Variants in TOGARAM2 observed in about 807,000 individuals in gnomAD.
TOGARAM2 encodes the protein TOG array regulator of axonemal microtubules protein 2.
A neutral mutation model predicts 93.3 loss-of-function variants in TOGARAM2; 85 were observed. That is an observed-to-expected ratio of 0.91 (90% CI 0.76 to 1.09). The LOEUF (loss-of-function observed/expected upper bound fraction) is 1.09. TOGARAM2 is among the 50% of genes least tolerant of loss of function. The pLI, the probability that TOGARAM2 is intolerant of heterozygous loss-of-function variation, is 0.00. For synonymous variants in TOGARAM2, 593 were observed against 552.8 expected (o/e 1.07, Z -1.02); for missense variants, 1,277 against 1,334.5 (o/e 0.96, Z 0.67).
chr2:29,026,613 G>A lies in TOGARAM2; in HGVS notation c.1854-240G>A, dbSNP rs77450844. ...AGAACGGTATGCATACGGTGTATTG[G>A]GGAACCTCGTGTAGCTTCATGTCAC... On this transcript the variant is annotated intron_variant, in intron 13 of 19. Coordinates refer to ENST00000379558, the MANE Select transcript of TOGARAM2 (RefSeq NM_199280.4). 1.3e-3 allele frequency among the ~76,000 whole-genome samples: 201 copies of A among 152,312 alleles called. 1 individual carries two copies. Among genetic ancestry groups the A allele is most frequent in the African/African-American group, 4.5e-3 (185 of 41,568 alleles).
chr2:29,012,979 A>G (rs993003933), intron 7 of TOGARAM2, among the ~76,000 whole-genome samples: 1 of 152,206 alleles, frequency 6.6e-6, no homozygotes, highest in African/African-American at 2.4e-5. Flanking sequence ...TGCAGAAGAC[A>G]TGGCCTGGGC....
intron 18 of TOGARAM2, among the ~76,000 whole-genome samples, chr2:29,037,661 A>G (rs1333354188): frequency 6.6e-6 from 1 of 151,714 alleles, no homozygotes; most frequent in Non-Finnish European, 1.5e-5. Context: ...TGGAGGCTCC[A>G]GGAAAAGTTT....
chr2:28,999,265 T>G lies in TOGARAM2; in HGVS notation c.224T>G (p.Leu75Arg), dbSNP rs771334348. The G allele has an allele frequency of 6.2e-7, 1 of 1,613,864 alleles. No individual in the cohort carries two copies. Among genetic ancestry groups the G allele is most frequent in the East Asian group, 2.2e-5 (1 of 44,870 alleles). The change falls in exon 4 of 20, where the codon CTC (leucine) becomes CGC (arginine). Residue 75 changes from leucine (L) to arginine (R), a missense_variant. Coordinates refer to ENST00000379558, the MANE Select transcript of TOGARAM2 (RefSeq NM_199280.4). ...CGTGGACTCGGACAGCTGGGTGGCC[T>G]CAAGCTGGACACCCCTTCCAAGGGC... ...LLRGLGQLGG[L>R]KLDTPSKGWQ...
chr2:29,024,290 G>A lies in TOGARAM2; in HGVS notation c.1769G>A (p.Arg590Lys). 2 of 1,613,462 alleles carry A rather than the reference G, an allele frequency of 1.2e-6. No homozygotes were observed. The highest frequency in any genetic ancestry group is 1.3e-5 in the African/African-American group (1 of 75,042). Residue 590 changes from arginine (R) to lysine (K), a missense_variant, in exon 13 of 20, where the codon AGA becomes AAA. By Grantham distance (26) the Arg-to-Lys change is conservative (BLOSUM62 2). Transcript: ENST00000379558. ...KMADTNEFIQ[R>K]AAGQSLRAMV... ...GCGGACACCAACGAGTTCATCCAGA[G>A]AGCAGCCGGCCAGTCTCTGAGGGCT...
chr2:28,984,590 C>T (rs1294057791), intron 1 of TOGARAM2, among the ~76,000 whole-genome samples: 1 of 152,236 alleles, frequency 6.6e-6, no homozygotes, highest in East Asian at 1.9e-4. Flanking sequence ...CAAGCTCCTG[C>T]TACTGGGCAG....
chr2:28,990,004 T>C (rs987491789), intron 1 of TOGARAM2, among the ~76,000 whole-genome samples: 4 of 152,154 alleles, frequency 2.6e-5, no homozygotes, highest in Non-Finnish European at 5.9e-5. Context: ...GTCTCATAAG[T>C]TGGTCACCTG....
At chr2:29,023,055 T>A (rs963726271) in intron 11 of TOGARAM2, 31 bp from the exon 12 acceptor site, 4 of 1,557,378 alleles carry the variant, frequency 2.6e-6, no homozygotes, top group Non-Finnish European at 3.5e-6. Context: ...CTCTCCACCC[T>A]TCTGCAACAG....
At chr2:29,014,713 A>G (rs1664452961) in intron 8 of TOGARAM2, among the ~76,000 whole-genome samples, 152 bp downstream of exon 8, 1 of 152,138 alleles carries the variant, frequency 6.6e-6, no homozygotes, top group African/African-American at 2.4e-5. Context: ...TAAAGGCCAG[A>G]ACCTGCAGAC....
At chr2:29,013,879 C>T (rs1664397730) in intron 7 of TOGARAM2, among the ~76,000 whole-genome samples, 1 of 152,226 alleles carries the variant, frequency 6.6e-6, no homozygotes, top group African/African-American at 2.4e-5. Context: ...TGGCACCTAA[C>T]ATTAACCATC....
intron 14 of TOGARAM2, chr2:29,032,700 G>GA (rs1665841177): frequency 2.2e-6 from 1 of 457,914 alleles, no homozygotes; most frequent in Non-Finnish European, 3.9e-6. Context: ...AAATGCCACA[G>GA]AAAAAAGACT....
Position 29,002,442 on chromosome 2 carries a change from C to G in TOGARAM2, c.428-94C>G, listed in dbSNP as rs2148288266. On this transcript the variant is annotated intron_variant, in intron 4 of 19. Coordinates refer to ENST00000379558, the MANE Select transcript of TOGARAM2 (RefSeq NM_199280.4). Reference sequence around the variant, plus strand: ...TCTCTCCTCGCCATCCCAGTCCTTCCCAGGGCAGAAGGCCCCGTTGCTGGG... The same window carrying G: ...TCTCTCCTCGCCATCCCAGTCCTTCGCAGGGCAGAAGGCCCCGTTGCTGGG... 2.7e-6 allele frequency: 3 copies of G among 1,131,678 alleles called. No individual in the cohort carries two copies. In the South Asian group the frequency reaches 4.5e-5, roughly 17 times the overall value. 70.1% of individuals were successfully genotyped at this position (1,131,678 alleles called of 1,614,324 possible). A position where few individuals can be genotyped will look rare whatever the true frequency, so the allele number is the denominator to read the frequency against.
chr2:28,970,072 A>G (rs1227994810), intron 1 of TOGARAM2, among the ~76,000 whole-genome samples: 2 of 152,112 alleles, frequency 1.3e-5, no homozygotes, highest in Admixed American at 1.3e-4. Flanking sequence ...TGGCCTCCCA[A>G]AGTGCTAGGA....
At chr2:29,017,098 A>G in intron 8 of TOGARAM2, 56 bp from the exon 9 acceptor site, 1 of 1,578,662 alleles carries the variant, frequency 6.3e-7, no homozygotes, top group African/African-American at 1.4e-5. Flanking sequence ...TGATGATTGA[A>G]TGTTGATGAT....
Position 29,029,517 on chromosome 2 carries a change from G to C in TOGARAM2, c.2012+2506G>C, listed in dbSNP as rs1459895726. 3.3e-5 allele frequency among the ~76,000 whole-genome samples: 5 copies of C among 152,316 alleles called. No individual in the cohort carries two copies. In the East Asian group the frequency reaches 9.7e-4, roughly 29 times the overall value. On this transcript the variant is annotated intron_variant, in intron 14 of 19. Coordinates refer to ENST00000379558, the MANE Select transcript of TOGARAM2 (RefSeq NM_199280.4). ...CACGCCTGTAATCCCAGCACTTTGG[G>C]AGGCCGAGGCTGGCAGATCACAAGG...
At chr2:29,016,779 G>A (rs549415201) in intron 8 of TOGARAM2, among the ~76,000 whole-genome samples, 1 of 152,246 alleles carries the variant, frequency 6.6e-6, no homozygotes, top group African/African-American at 2.4e-5. Flanking sequence ...AGCACACCCG[G>A]CCTCAGAGCT....
intron 1 of TOGARAM2, among the ~76,000 whole-genome samples, chr2:28,975,169 A>C (rs1672007713): frequency 6.8e-6 from 1 of 146,800 alleles, no homozygotes. Context: ...CTTTGCTGAG[A>C]CGTTTTATTT....
chr2:29,003,027 G>A (rs1196014797), intron 5 of TOGARAM2, among the ~76,000 whole-genome samples: 1 of 152,198 alleles, frequency 6.6e-6, no homozygotes, highest in African/African-American at 2.4e-5. Context: ...GGTCCCCTAG[G>A]CCTTCTCTGG....
At chr2:28,994,356 A>T (rs905790529) in intron 1 of TOGARAM2, among the ~76,000 whole-genome samples, 1 of 152,224 alleles carries the variant, frequency 6.6e-6, no homozygotes, top group African/African-American at 2.4e-5. Context: ...ATGGGCTTTC[A>T]GGGCAGCTGG....
At chr2:28,982,384 G>A (rs1411577879) in intron 1 of TOGARAM2, among the ~76,000 whole-genome samples, 3 of 152,298 alleles carry the variant, frequency 2.0e-5, no homozygotes, top group African/African-American at 4.8e-5. Context: ...GTACTCTGTC[G>A]GAGCATCACT....
Sources: allele counts gnomAD v4.1 joint callset (sites outside exome capture counted in the v4.1 genomes callset), GRCh38; gene constraint gnomAD v4.1.1; transcripts MANE v1.5; gene names NCBI Gene and HGNC (gene_info 2026-07-23, HGNC 2026-07-21).